The following TRPM6 variants were observed in gnomAD, a reference collection of about 807,000 sequenced individuals.
The protein encoded by TRPM6 is channel kinase 2.
A neutral mutation model predicts 247.6 loss-of-function variants in TRPM6; 111 were observed. That is an observed-to-expected ratio of 0.45 (90% CI 0.38 to 0.52). The LOEUF (loss-of-function observed/expected upper bound fraction) is 0.52. Ranked by LOEUF, TRPM6 falls within the 20% of genes least tolerant of loss-of-function variation. The probability of loss-of-function intolerance (pLI) is 0.00; values close to 1 mark genes in which losing one functional copy is unlikely to be tolerated. For missense variants in TRPM6, 2,126 were observed against 2,421.5 expected, an observed-to-expected ratio of 0.88 and a Z score of 2.56; for synonymous variants, 892 against 853.8, an observed-to-expected ratio of 1.04 and a Z score of -0.78.
At chr9:74,836,583 G>A (rs1320361406) in intron 5 of TRPM6, among the ~76,000 whole-genome samples, 1 of 152,174 alleles carries the variant, frequency 6.6e-6, no homozygotes, top group Non-Finnish European at 1.5e-5. Context: ...CACCTTACAT[G>A]TGATCCTAAC....
At chr9:74,876,386 G>T (rs986825444) in intron 1 of TRPM6, among the ~76,000 whole-genome samples, 3 of 152,088 alleles carry the variant, frequency 2.0e-5, no homozygotes, top group Admixed American at 2.0e-4. Flanking sequence ...CCCAGCCAGG[G>T]TAACAATTTA....
chr9:74,870,148 A>T (rs574026355), intron 1 of TRPM6, among the ~76,000 whole-genome samples: 3 of 152,276 alleles, frequency 2.0e-5, no homozygotes, highest in African/African-American at 7.2e-5. Context: ...CACAAAGCAT[A>T]TGAAATCCTC....
intron 35 of TRPM6, among the ~76,000 whole-genome samples, chr9:74,739,157 C>T (rs978660061): frequency 6.6e-6 from 1 of 152,154 alleles, no homozygotes; most frequent in Non-Finnish European, 1.5e-5. Flanking sequence ...CTTTTTTCCA[C>T]TCATGTTTAA....
At position 74,762,215 on chromosome 9, in the gene TRPM6, G is replaced by T. The variant is rs537468531; in HGVS notation, c.4456C>A (p.Arg1486=). 1.9e-6 allele frequency: 3 copies of T among 1,614,188 alleles called. No homozygotes were observed. The highest frequency in any genetic ancestry group is 3.3e-5 in the Admixed American group (2 of 60,014). ...LPSTCDSDSS[R]SEQHQKQAQD... Reference sequence around the variant, plus strand: ...GCCTGCTTCTGGTGCTGTTCACTCCGAGAGGAATCACTGTCACAAGTGGAG... The same window carrying T: ...GCCTGCTTCTGGTGCTGTTCACTCCTAGAGGAATCACTGTCACAAGTGGAG... The change falls in exon 26 of 39, where the codon CGG becomes AGG. Residue 1486 remains arginine, a synonymous_variant. Transcript: ENST00000360774.
At chr9:74,793,266 A>T (rs75324352) in intron 18 of TRPM6, among the ~76,000 whole-genome samples, 5,367 of 152,300 alleles carry the variant, frequency 0.035, 281 homozygotes, top group African/African-American at 0.11. Context: ...CACATGAGGT[A>T]TTTCTGAAAT....
chr9:74,817,819 C>T (rs901119801), intron 9 of TRPM6, among the ~76,000 whole-genome samples: 2 of 152,050 alleles, frequency 1.3e-5, no homozygotes, highest in South Asian at 4.1e-4. Context: ...GTAGAAGGAG[C>T]TATTTTAATG....
intron 3 of TRPM6, among the ~76,000 whole-genome samples, chr9:74,848,861 A>T (rs1038949590): frequency 5.3e-5 from 8 of 151,004 alleles, no homozygotes; most frequent in Admixed American, 2.6e-4. Context: ...CAGTGAGAAG[A>T]AAAAAACGTA....
intron 37 of TRPM6, among the ~76,000 whole-genome samples, chr9:74,731,418 G>A (rs970295054): frequency 6.6e-6 from 1 of 151,912 alleles, no homozygotes; most frequent in African/African-American, 2.4e-5. Context: ...AAGTCTTTAT[G>A]TATATAAGAG....
At chr9:74,854,995 A>G (rs1419051149) in intron 3 of TRPM6, among the ~76,000 whole-genome samples, 1 of 152,202 alleles carries the variant, frequency 6.6e-6, no homozygotes, top group African/African-American at 2.4e-5. Flanking sequence ...GTTTTTTTCC[A>G]AGAATAAATT....
intron 6 of TRPM6, among the ~76,000 whole-genome samples, chr9:74,830,755 T>G (rs982555577): frequency 2.9e-4 from 25 of 85,586 alleles, no homozygotes; most frequent in East Asian, 4.9e-4. Flanking sequence ...TTTTGTTTTT[T>G]TTTTTTTTTT....
Position 74,788,287 on chromosome 9 carries a change from G to A in TRPM6, c.2667+327C>T, listed in dbSNP as rs11144083. 0.17 allele frequency among the ~76,000 whole-genome samples: 25,996 copies of A among 152,068 alleles called. 2,293 individuals are homozygous for A. Among genetic ancestry groups the A allele is most frequent in the Middle Eastern group, 0.2 (59 of 294 alleles). ...AAAAACAAACAAACAAAAAAACTTGGGGAAATCAAATAGTTGGAGGGTTTA... is the reference window on the plus strand; with the variant it reads ...AAAAACAAACAAACAAAAAAACTTGAGGAAATCAAATAGTTGGAGGGTTTA... On this transcript the variant is annotated intron_variant, in intron 20 of 38. Coordinates refer to ENST00000360774, the MANE Select transcript of TRPM6 (RefSeq NM_017662.5).
At chr9:74,812,077 A>G (rs1056769463) in intron 12 of TRPM6, among the ~76,000 whole-genome samples, 2 of 152,224 alleles carry the variant, frequency 1.3e-5, no homozygotes, top group East Asian at 1.9e-4. Flanking sequence ...GGGTTGCACA[A>G]TGAGTTTTAA....
intron 11 of TRPM6, among the ~76,000 whole-genome samples, chr9:74,814,375 A>G (rs1052815908): frequency 1.3e-5 from 2 of 152,216 alleles, no homozygotes; most frequent in Non-Finnish European, 2.9e-5. Flanking sequence ...AATAAGATCT[A>G]GTATTTGATA....
In TRPM6 at chr9:74,807,945, A is replaced by C. The variant is rs909313315; in HGVS notation, c.1638+89T>G. The stretch of plus-strand genomic sequence containing the variant: ...AAATAAAATGACCATTTTAGGAGCT[A>C]TTTTTGTCTGAACTTCCAAGGCCAT... On this transcript the variant is annotated intron_variant, in intron 14 of 38. Transcript: ENST00000360774. The C allele has an allele frequency of 6.2e-6, 9 of 1,442,178 alleles. No individual in the cohort carries two copies. The African/African-American group carries it at 1.3e-4, about 20-fold the overall frequency. 89.3% of individuals were successfully genotyped at this position (1,442,178 alleles called of 1,614,324 possible). A position where few individuals can be genotyped will look rare whatever the true frequency, so the allele number is the denominator to read the frequency against.
At chr9:74,797,702 A>G (rs1194349274) in intron 17 of TRPM6, among the ~76,000 whole-genome samples, 1 of 152,192 alleles carries the variant, frequency 6.6e-6, no homozygotes, top group African/African-American at 2.4e-5. Context: ...ATTTATATGC[A>G]TATAAATATG....
At chr9:74,761,913 A>G in intron 26 of TRPM6, 86 bp downstream of exon 26, 1 of 1,513,864 alleles carries the variant, frequency 6.6e-7, no homozygotes, top group East Asian at 2.3e-5. Flanking sequence ...TGTGGTTAAG[A>G]GTCACAGATT....
chr9:74,838,580 A>G (rs1369929823), intron 5 of TRPM6, among the ~76,000 whole-genome samples: 1 of 152,242 alleles, frequency 6.6e-6, no homozygotes, highest in African/African-American at 2.4e-5. Context: ...GAGAGCTAAC[A>G]CACTGACTCA....
chr9:74,877,373 A>G (rs1157582742), intron 1 of TRPM6, among the ~76,000 whole-genome samples: 1 of 152,204 alleles, frequency 6.6e-6, no homozygotes, highest in African/African-American at 2.4e-5. Flanking sequence ...CCACAGGAAA[A>G]AAGCACCTGG....
At chr9:74,821,634 C>T in intron 8 of TRPM6, 35 bp downstream of exon 8, 1 of 1,612,818 alleles carries the variant, frequency 6.2e-7, no homozygotes. Flanking sequence ...ATAAACAGCC[C>T]CTATAGTTTC....
Sources: gnomAD v4.1 joint callset for allele counts (sites outside exome capture counted in the v4.1 genomes callset) on GRCh38, gnomAD v4.1.1 for gene constraint, MANE v1.5 for transcripts, NCBI Gene and HGNC (gene_info 2026-07-23, HGNC 2026-07-21) for gene names.